The following DEPDC5 variants were observed in gnomAD, a reference collection of about 807,000 sequenced individuals.
DEPDC5 encodes the protein DEP domain containing 5, GATOR1 subcomplex subunit, also known as GATOR1 complex protein DEPDC5.
A neutral mutation model predicts 217.3 loss-of-function variants in DEPDC5; 73 were observed. The observed-to-expected ratio is 0.34, with a 90% CI of 0.28 to 0.41. The LOEUF (loss-of-function observed/expected upper bound fraction) is 0.41, where lower values mean the gene tolerates loss of function less well. Among genes scored for constraint, DEPDC5 ranks in the 10% least tolerant of loss-of-function variants. DEPDC5 has a pLI of 1.00. For synonymous variants in DEPDC5, 733 were observed against 756.7 expected, an observed-to-expected ratio of 0.97 and a Z score of 0.51; for missense variants, 1,675 against 2,070.1, an observed-to-expected ratio of 0.81 and a Z score of 3.70.
intron 33 of DEPDC5, among the ~76,000 whole-genome samples, chr22:31,863,600 A>G (rs1426966226): frequency 3.3e-5 from 5 of 152,226 alleles, no homozygotes; most frequent in Admixed American, 1.3e-4. Flanking sequence ...ACTTGAGCCC[A>G]GGAGAATAAG....
At chr22:31,763,763 C>T (rs1796707935) in intron 4 of DEPDC5, among the ~76,000 whole-genome samples, 1 of 151,844 alleles carries the variant, frequency 6.6e-6, no homozygotes, top group Non-Finnish European at 1.5e-5. Context: ...TTCAATATTT[C>T]AATTTGAGGA....
At chr22:31,776,973 T>A (rs976505691) in intron 7 of DEPDC5, among the ~76,000 whole-genome samples, 10 of 151,940 alleles carry the variant, frequency 6.6e-5, no homozygotes, top group Admixed American at 2.0e-4. Flanking sequence ...ATTATTATTT[T>A]TTTTTTTGAG....
rs1303550449 is a variant in DEPDC5 at position 31,876,250 on chromosome 22, A to G, written c.3790A>G (p.Lys1264Glu). The change falls in exon 37 of 43, where the codon AAA (lysine) becomes GAA (glutamate). Residue 1264 changes from lysine (K) to glutamate (E), a missense_variant. Around this residue, in one of 11 missense-constraint regions of DEPDC5, gnomAD observed 194 missense variants for 199.3 expected, o/e 0.97. Transcript: ENST00000651528. The part of the protein sequence containing the change: ...GFYFYKIVTD[K>E]EPDRVAMQQP... Reference sequence around the variant, plus strand: ...CTATTTCTACAAGATAGTAACGGACAAAGAGCCCGACCGAGGTTAGAGCCG... The same window carrying G: ...CTATTTCTACAAGATAGTAACGGACGAAGAGCCCGACCGAGGTTAGAGCCG... 1.2e-6 allele frequency: 2 copies of G among 1,613,680 alleles called. No homozygotes were observed. The highest frequency in any genetic ancestry group is 2.2e-5 in the East Asian group (1 of 44,884).
intron 25 of DEPDC5, among the ~76,000 whole-genome samples, chr22:31,836,397 T>C (rs899533672): frequency 5.3e-5 from 8 of 152,280 alleles, no homozygotes; most frequent in African/African-American, 1.9e-4. Context: ...CCTTCATTTT[T>C]GGATTGTTAA....
chr22:31,880,181 A>G (rs972149663), intron 38 of DEPDC5: 9 of 195,646 alleles, frequency 4.6e-5, no homozygotes, highest in East Asian at 2.3e-4. Flanking sequence ...ACACTCATGC[A>G]GAGCAAAAGT....
At chr22:31,893,012 A>G (rs888323059) in intron 38 of DEPDC5, among the ~76,000 whole-genome samples, 2 of 151,688 alleles carry the variant, frequency 1.3e-5, no homozygotes, top group African/African-American at 2.4e-5. Context: ...AGTAGTTGAG[A>G]CTACAGGTGT....
chr22:31,836,817 C>A (rs2091033777), intron 25 of DEPDC5, 155 bp from the exon 26 acceptor site: 3 of 650,550 alleles, frequency 4.6e-6, no homozygotes, highest in Non-Finnish European at 8.0e-6. Context: ...CTCTTTCTCC[C>A]TCCCCTACCC....
chr22:31,832,709 C>A (rs2090697731), intron 24 of DEPDC5, among the ~76,000 whole-genome samples: 1 of 152,186 alleles, frequency 6.6e-6, no homozygotes, highest in Non-Finnish European at 1.5e-5. Flanking sequence ...TGTTAAGCAT[C>A]TTTTAATATA....
intron 31 of DEPDC5, among the ~76,000 whole-genome samples, chr22:31,847,505 GGCAGAAAGGGAA>G (rs1241432284): frequency 5.3e-5 from 8 of 152,184 alleles, no homozygotes; most frequent in African/African-American, 1.9e-4. Flanking sequence ...TTACAATCAT[GGCAGAAAGGGAA>G]GCAAACACAT....
chr22:31,830,867 C>A (rs5749335), intron 24 of DEPDC5, among the ~76,000 whole-genome samples: 2 of 151,802 alleles, frequency 1.3e-5, no homozygotes, highest in East Asian at 3.9e-4. Context: ...ATCAAATGAG[C>A]AAACTTGGCA....
intron 32 of DEPDC5, chr22:31,857,798 C>A (rs1259480960): frequency 5.6e-6 from 2 of 354,632 alleles, no homozygotes; most frequent in East Asian, 1.1e-4. Context: ...GCTTGTAATC[C>A]CAGCACTTTG....
In DEPDC5 at chr22:31,846,880, C is replaced by T. The variant is rs780752142; in HGVS notation, c.3068C>T (p.Thr1023Met). The T allele has an allele frequency of 1.5e-5, 25 of 1,614,122 alleles. No homozygotes were observed. Among genetic ancestry groups the T allele is most frequent in the African/African-American group, 5.3e-5 (4 of 74,948 alleles). ...KGLQMTGPIS[T>M]HSLESTAPPV... ...TTGCAGATGACTGGGCCCATTTCCACGCATTCTCTGGAGTCAACTGCACCC... is the reference window on the plus strand; with the variant it reads ...TTGCAGATGACTGGGCCCATTTCCATGCATTCTCTGGAGTCAACTGCACCC... Residue 1023 changes from threonine (T) to methionine (M), a missense_variant, in exon 31 of 43, where the codon ACG becomes ATG. Physicochemically the swap from Thr to Met is moderately conservative, Grantham distance 81 (BLOSUM62 -1). Coordinates refer to ENST00000651528, the MANE Select transcript of DEPDC5 (RefSeq NM_001242896.3).
At chr22:31,891,103 A>G in intron 38 of DEPDC5, 1 of 408,180 alleles carries the variant, frequency 2.4e-6, no homozygotes, top group Non-Finnish European at 4.7e-6. Context: ...AACACAATCT[A>G]GGTCAATCTT....
Position 31,790,088 on chromosome 22 carries a change from G to A in DEPDC5, c.625-1945G>A, listed in dbSNP as rs1389914582. ...TCACTTGCACTAAAATTAGATAAGG[G>A]TGCTGATTTTGGAGCTCTTGGACTC... On this transcript the variant is annotated intron_variant, in intron 10 of 42. Coordinates refer to ENST00000651528, the MANE Select transcript of DEPDC5 (RefSeq NM_001242896.3). 2.6e-5 allele frequency among the ~76,000 whole-genome samples: 4 copies of A among 152,256 alleles called. No individual in the cohort carries two copies. The East Asian group carries it at 7.7e-4, about 29-fold the overall frequency.
intron 33 of DEPDC5, among the ~76,000 whole-genome samples, chr22:31,865,070 C>A (rs1203202007): frequency 7.0e-6 from 1 of 141,928 alleles, no homozygotes; most frequent in Non-Finnish European, 1.5e-5. Context: ...AGGTGATCTA[C>A]CCGCCTCGGC....
intron 12 of DEPDC5, among the ~76,000 whole-genome samples, 189 bp downstream of exon 12, chr22:31,793,006 G>A (rs1046135401): frequency 1.3e-5 from 2 of 152,076 alleles, no homozygotes; most frequent in Admixed American, 6.6e-5. Flanking sequence ...GGAGGTGGAG[G>A]TTGCAGTGAG....
chr22:31,763,075 C>T (rs1369038588), intron 4 of DEPDC5, among the ~76,000 whole-genome samples: 6 of 151,930 alleles, frequency 3.9e-5, no homozygotes, highest in Non-Finnish European at 8.8e-5. Flanking sequence ...ACTGCAACCT[C>T]CGCCTCCTGG....
intron 24 of DEPDC5, among the ~76,000 whole-genome samples, chr22:31,832,868 TG>T (rs1247837709): frequency 6.6e-6 from 1 of 152,242 alleles, no homozygotes; most frequent in Non-Finnish European, 1.5e-5. Context: ...TGTTGTAGAT[TG>T]TTTTTTCAAA....
chr22:31,761,928 A>G (rs931826881), intron 4 of DEPDC5, among the ~76,000 whole-genome samples: 1 of 148,384 alleles, frequency 6.7e-6, no homozygotes, highest in Admixed American at 6.9e-5. Flanking sequence ...AGGTCACGCC[A>G]CTGCACTCCA....
Sources: gnomAD v4.1 joint callset for allele counts (sites outside exome capture counted in the v4.1 genomes callset) on GRCh38, gnomAD v4.1.1 for gene constraint, gnomAD v4.1.1 regional missense constraint, MANE v1.5 for transcripts, NCBI Gene and HGNC (gene_info 2026-07-23, HGNC 2026-07-21) for gene names.